PCDH17: variants seen among roughly 807,000 people sequenced by gnomAD.
The protein encoded by PCDH17 is protocadherin-17.
In PCDH17, 21 loss-of-function variants were observed where a neutral mutation model predicts 67.7. The observed-to-expected ratio is 0.31, with a 90% CI of 0.22 to 0.45. PCDH17 has a LOEUF of 0.45. Ranked by LOEUF, PCDH17 falls within the 20% of genes least tolerant of loss-of-function variation. PCDH17 has a pLI of 1.00. For synonymous variants in PCDH17, 701 were observed against 656.7 expected, an observed-to-expected ratio of 1.07 and a Z score of -1.03; for missense variants, 1,471 against 1,564.8, an observed-to-expected ratio of 0.94 and a Z score of 1.01.
At chr13:57,693,315 C>CATATATATATATATATATATATAT (rs59643529) in intron 3 of PCDH17, among the ~76,000 whole-genome samples, 45 of 89,344 alleles carry the variant, frequency 5.0e-4, no homozygotes, top group Admixed American at 1.1e-3. Context: ...CACTTACATT[C>CATATATATATATATATATATATAT]ATATATATAT....
intron 3 of PCDH17, among the ~76,000 whole-genome samples, chr13:57,693,142 C>T (rs537123001): frequency 6.7e-6 from 1 of 149,872 alleles, no homozygotes; most frequent in South Asian, 2.1e-4. Flanking sequence ...TTTATTTCCA[C>T]GGTTTTCAAA....
chr13:57,680,155 A>AC (rs1467078930), intron 3 of PCDH17, among the ~76,000 whole-genome samples: 1 of 146,434 alleles, frequency 6.8e-6, no homozygotes, highest in Non-Finnish European at 1.5e-5. Flanking sequence ...TATATATATA[A>AC]ATATGTATGT....
intron 3 of PCDH17, among the ~76,000 whole-genome samples, chr13:57,682,468 G>A (rs1955461648): frequency 6.6e-6 from 1 of 151,694 alleles, no homozygotes; most frequent in South Asian, 2.1e-4. Context: ...CAATTACAAT[G>A]CACAACACTT....
chr13:57,634,187 T>A lies in PCDH17; in HGVS notation c.1641T>A (p.Ala547=). 1 of 1,613,422 alleles carries A rather than the reference T, an allele frequency of 6.2e-7. No individual in the cohort carries two copies. Among genetic ancestry groups the A allele is most frequent in the Non-Finnish European group, 8.5e-7 (1 of 1,180,008 alleles). ...CCTTTAACTTCGAGCAGACCAAGGCTTTTGAGTTCAAGGTGCTTGCTAAGG... is the reference window on the plus strand; with the variant it reads ...CCTTTAACTTCGAGCAGACCAAGGCATTTGAGTTCAAGGTGCTTGCTAAGG... ...LRSFNFEQTK[A]FEFKVLAKDS... Residue 547 remains alanine (A), a synonymous_variant, in exon 1 of 4, where the codon GCT becomes GCA. Transcript: ENST00000377918. This position sits in a 1 kb window ranked among gnomAD's most constrained non-coding sequence, Gnocchi z 7.8.
At chr13:57,650,218 TTGTGTGTGTGTGTGTGTGTG>T (rs67398023) in intron 1 of PCDH17, among the ~76,000 whole-genome samples, 2 of 137,478 alleles carry the variant, frequency 1.5e-5, no homozygotes, top group African/African-American at 5.5e-5. Context: ...GGACCCTTGA[TTGTGTGTGTGTGTGTGTGTG>T]TGTGTGTGTG....
At chr13:57,651,460 C>G (rs900763508) in intron 1 of PCDH17, among the ~76,000 whole-genome samples, 1 of 150,804 alleles carries the variant, frequency 6.6e-6, no homozygotes, top group Admixed American at 6.6e-5. Flanking sequence ...ACATCGGCCT[C>G]CCAAGTAGCT....
chr13:57,711,488 A>T (rs1955775743), intron 3 of PCDH17, among the ~76,000 whole-genome samples: 1 of 151,894 alleles, frequency 6.6e-6, no homozygotes, highest in Admixed American at 6.6e-5. Context: ...CATGTGTATG[A>T]AGAATGCATG....
intron 3 of PCDH17, among the ~76,000 whole-genome samples, chr13:57,698,288 A>T (rs1008925302): frequency 1.3e-5 from 2 of 151,692 alleles, no homozygotes; most frequent in Admixed American, 6.6e-5. Context: ...GTTATTTTTA[A>T]AAAATAACTC....
At chr13:57,676,682 C>T (rs751553886) in intron 3 of PCDH17, among the ~76,000 whole-genome samples, 1 of 151,782 alleles carries the variant, frequency 6.6e-6, no homozygotes, top group Non-Finnish European at 1.5e-5. Context: ...GTTCAGCCTG[C>T]CAAGAAAAAT....
At chr13:57,703,279 AT>A (rs1160358074) in intron 3 of PCDH17, among the ~76,000 whole-genome samples, 1 of 152,122 alleles carries the variant, frequency 6.6e-6, no homozygotes, top group Non-Finnish European at 1.5e-5. Context: ...CATTCAAAAA[AT>A]TTTTTTGAGA....
At chr13:57,696,697 G>A (rs1021081323) in intron 3 of PCDH17, among the ~76,000 whole-genome samples, 1 of 151,412 alleles carries the variant, frequency 6.6e-6, no homozygotes, top group Non-Finnish European at 1.5e-5. Context: ...AAGAAAGTTA[G>A]GGGTTCTGTT....
intron 1 of PCDH17, among the ~76,000 whole-genome samples, chr13:57,642,046 C>A (rs980743850): frequency 6.6e-6 from 1 of 151,532 alleles, no homozygotes; most frequent in Non-Finnish European, 1.5e-5. Flanking sequence ...TCTGTATTAT[C>A]TTATTTTCTT....
intron 3 of PCDH17, among the ~76,000 whole-genome samples, chr13:57,669,855 C>T (rs2138029370): frequency 6.6e-6 from 1 of 152,040 alleles, no homozygotes; most frequent in South Asian, 2.1e-4. Flanking sequence ...ATTGAATAAA[C>T]ATCAGAGTAA....
At chr13:57,685,637 T>A (rs1485919305) in intron 3 of PCDH17, among the ~76,000 whole-genome samples, 2 of 152,132 alleles carry the variant, frequency 1.3e-5, no homozygotes, top group African/African-American at 4.8e-5. Flanking sequence ...TAAAAGTTGG[T>A]TGGAATGAAA....
intron 3 of PCDH17, among the ~76,000 whole-genome samples, chr13:57,719,929 A>T (rs567610405): frequency 1.6e-4 from 25 of 152,172 alleles, no homozygotes; most frequent in African/African-American, 5.8e-4. Flanking sequence ...AATTTTGGGC[A>T]TCATTGAAAT....
At chr13:57,722,639 A>G (rs1955880786) in intron 3 of PCDH17, among the ~76,000 whole-genome samples, 2 of 152,148 alleles carry the variant, frequency 1.3e-5, no homozygotes, top group Non-Finnish European at 2.9e-5. Flanking sequence ...ATTTTGAGAC[A>G]GGGTTTAACT....
chr13:57,656,391 A>C (rs1955104129), intron 1 of PCDH17, among the ~76,000 whole-genome samples: 1 of 152,148 alleles, frequency 6.6e-6, no homozygotes, highest in South Asian at 2.1e-4. Flanking sequence ...TAATTTTAAG[A>C]AAATGTATCT....
intron 3 of PCDH17, among the ~76,000 whole-genome samples, chr13:57,722,386 T>C (rs1955878523): frequency 6.6e-6 from 1 of 152,158 alleles, no homozygotes; most frequent in Admixed American, 6.6e-5. Context: ...TTCATGATGC[T>C]AGAAGATACA....
chr13:57,667,962 A>T (rs1436736018), intron 3 of PCDH17, among the ~76,000 whole-genome samples: 1 of 150,406 alleles, frequency 6.6e-6, no homozygotes, highest in African/African-American at 2.4e-5. Flanking sequence ...AAATATAATT[A>T]TGCTGAATTT....
Sources: allele counts gnomAD v4.1 joint callset (sites outside exome capture counted in the v4.1 genomes callset), GRCh38; gene constraint gnomAD v4.1.1; non-coding constraint Gnocchi (gnomAD v3.1); transcripts MANE v1.5; gene names NCBI Gene and HGNC (gene_info 2026-07-23, HGNC 2026-07-21).